Variants in ANKIB1 observed in about 807,000 individuals in gnomAD.
The protein encoded by ANKIB1 is ankyrin repeat and IBR domain-containing protein 1.
In ANKIB1, 43 loss-of-function variants were observed where a neutral mutation model predicts 122.1. The ratio of observed to expected loss-of-function variants is 0.35; its 90% confidence interval spans 0.28 to 0.45. ANKIB1 has a LOEUF of 0.45. Among genes scored for constraint, ANKIB1 ranks in the 20% least tolerant of loss-of-function variants. The pLI, the probability that ANKIB1 is intolerant of heterozygous loss-of-function variation, is 1.00. For missense variants in ANKIB1, 992 were observed against 1,329.5 expected (o/e 0.75, Z 3.95); for synonymous variants, 390 against 442.0 (o/e 0.88, Z 1.48).
intron 1 of ANKIB1, among the ~76,000 whole-genome samples, chr7:92,264,013 C>A (rs538036411): frequency 1.2e-4 from 19 of 152,212 alleles, no homozygotes; most frequent in African/African-American, 4.6e-4. Flanking sequence ...AGACAGTGAA[C>A]GTGTAAAATT....
chr7:92,373,191 G>A (rs1165718246), intron 11 of ANKIB1, among the ~76,000 whole-genome samples: 1 of 152,108 alleles, frequency 6.6e-6, no homozygotes, highest in African/African-American at 2.4e-5. Flanking sequence ...TAAGGATCCA[G>A]CCAAAATTAT....
chr7:92,291,738 G>A (rs866688622), intron 1 of ANKIB1, among the ~76,000 whole-genome samples: 5 of 151,878 alleles, frequency 3.3e-5, no homozygotes, highest in Middle Eastern at 3.4e-3. Flanking sequence ...CACCACGCCC[G>A]GCTAATTTTT....
chr7:92,393,865 A>G (rs886916609), intron 17 of ANKIB1, among the ~76,000 whole-genome samples: 19 of 152,300 alleles, frequency 1.2e-4, no homozygotes, highest in African/African-American at 4.6e-4. Flanking sequence ...GTAACTGCCA[A>G]AGTTATATTT....
At chr7:92,254,112 G>A (rs576591545) in intron 1 of ANKIB1, among the ~76,000 whole-genome samples, 23 of 152,134 alleles carry the variant, frequency 1.5e-4, no homozygotes, top group Non-Finnish European at 2.4e-4. Context: ...GCACCAACCG[G>A]CAGATATGAA....
chr7:92,284,951 G>A (rs1001715670), intron 1 of ANKIB1, among the ~76,000 whole-genome samples: 8 of 152,198 alleles, frequency 5.3e-5, no homozygotes, highest in African/African-American at 1.9e-4. Flanking sequence ...CCAAATTTAG[G>A]ATAAGCTTTT....
chr7:92,312,345 T>C (rs1221465532), intron 3 of ANKIB1, among the ~76,000 whole-genome samples: 1 of 152,206 alleles, frequency 6.6e-6, no homozygotes, highest in Admixed American at 6.5e-5. Context: ...ATGATAAACA[T>C]TTGTTAAGGA....
At chr7:92,317,658 G>A (rs1802820405) in intron 3 of ANKIB1, among the ~76,000 whole-genome samples, 1 of 152,134 alleles carries the variant, frequency 6.6e-6, no homozygotes, top group Admixed American at 6.5e-5. Flanking sequence ...AAATCCAGTG[G>A]GCTTGTCAAG....
In ANKIB1 at chr7:92,264,443, G is replaced by A. The variant is rs569437821; in HGVS notation, c.-91+17924G>A. Among the ~76,000 whole-genome samples, 5 of 152,110 alleles carry A rather than the reference G, an allele frequency of 3.3e-5. No homozygotes were observed. In the East Asian group the frequency reaches 7.7e-4, roughly 23 times the overall value. The stretch of plus-strand genomic sequence containing the variant: ...GACAGAGTCTTGCCCTGTCACCCAG[G>A]GTGGAGTGCAGTGGCGTGTTGTCGG... On this transcript the variant is annotated intron_variant, in intron 1 of 19. Coordinates refer to ENST00000265742, the MANE Select transcript of ANKIB1 (RefSeq NM_019004.2).
At chr7:92,299,284 C>T (rs950484699) in intron 2 of ANKIB1, among the ~76,000 whole-genome samples, 1 of 152,134 alleles carries the variant, frequency 6.6e-6, no homozygotes, top group Admixed American at 6.6e-5. Context: ...TCTGGAAGAT[C>T]TGCGTAACTC....
At chr7:92,276,758 A>G (rs1280853498) in intron 1 of ANKIB1, among the ~76,000 whole-genome samples, 1 of 152,258 alleles carries the variant, frequency 6.6e-6, no homozygotes, top group Non-Finnish European at 1.5e-5. Context: ...AAGTTGAATC[A>G]TCTAGTTCTT....
At position 92,250,951 on chromosome 7, in the gene ANKIB1, T is replaced by TTA. The variant is rs755812366; in HGVS notation, c.-91+4435_-91+4436dup. Among the ~76,000 whole-genome samples, 4 of 152,330 alleles carry TTA rather than the reference T, an allele frequency of 2.6e-5. 1 individual carries two copies. On this transcript the variant is annotated intron_variant, in intron 1 of 19. Transcript: ENST00000265742. ...TCAGGATAATGATTTTTACTACTGG[T>TTA]TATACACTCTTCTGTTTTTAGGACT... is the stretch of plus-strand genomic sequence containing the variant.
rs1207199962 is a variant in ANKIB1, at chr7:92,383,461, TC to T, written c.1618-3045del. ...AAAAAAAGAGAATTTTAGACTGATA[TC>T]CCTGATGAACATTGATGCAAAAATC... On this transcript the variant is annotated intron_variant, in intron 11 of 19. Transcript: ENST00000265742. 2.0e-5 allele frequency among the ~76,000 whole-genome samples: 3 copies of T among 152,020 alleles called. No individual in the cohort carries two copies. In the East Asian group the frequency reaches 5.8e-4, roughly 29 times the overall value.
At chr7:92,317,299 C>A (rs1007680715) in intron 3 of ANKIB1, among the ~76,000 whole-genome samples, 2 of 152,114 alleles carry the variant, frequency 1.3e-5, no homozygotes, top group African/African-American at 2.4e-5. Flanking sequence ...CATTTTGATT[C>A]AGAGGCCTGG....
At chr7:92,259,654 A>G (rs1441811365) in intron 1 of ANKIB1, among the ~76,000 whole-genome samples, 3 of 152,194 alleles carry the variant, frequency 2.0e-5, no homozygotes, top group Non-Finnish European at 4.4e-5. Flanking sequence ...CTCACATTTC[A>G]GCTTCAGAAT....
chr7:92,352,755 CTTAA>C, intron 9 of ANKIB1, 113 bp downstream of exon 9: 1 of 1,117,472 alleles, frequency 8.9e-7, no homozygotes, highest in Non-Finnish European at 1.3e-6. Context: ...TAGTATTCTT[CTTAA>C]TTTAAGAAAT....
chr7:92,373,814 T>C (rs1804323997), intron 11 of ANKIB1, among the ~76,000 whole-genome samples: 1 of 151,990 alleles, frequency 6.6e-6, no homozygotes, highest in Admixed American at 6.6e-5. Context: ...TTTTAAAGAA[T>C]GAGAAATTTC....
chr7:92,347,270 T>G (rs968958666), intron 7 of ANKIB1, among the ~76,000 whole-genome samples: 5 of 149,216 alleles, frequency 3.4e-5, no homozygotes, highest in African/African-American at 1.3e-4. Context: ...CTTAGAACAT[T>G]ATGAGTTTTT....
chr7:92,338,870 C>T (rs1585114564), intron 5 of ANKIB1, among the ~76,000 whole-genome samples: 1 of 123,962 alleles, frequency 8.1e-6, no homozygotes, highest in East Asian at 2.5e-4. Flanking sequence ...TGAGATCGCA[C>T]CACTGCACTC....
intron 10 of ANKIB1, 145 bp downstream of exon 10, chr7:92,362,418 G>A (rs932189775): frequency 1.4e-6 from 1 of 697,924 alleles, no homozygotes; most frequent in Non-Finnish European, 2.4e-6. Context: ...CAATCCCTTT[G>A]ACTAACTTCC....
Sources: allele counts gnomAD v4.1 joint callset (sites outside exome capture counted in the v4.1 genomes callset), GRCh38; gene constraint gnomAD v4.1.1; transcripts MANE v1.5; gene names NCBI Gene and HGNC (gene_info 2026-07-23, HGNC 2026-07-21).